ZNF540: variants seen among roughly 807,000 people sequenced by gnomAD.
ZNF540 encodes the protein CTD-3064H18.6.
A neutral mutation model predicts 11.8 loss-of-function variants in ZNF540; 3 were observed. That is an observed-to-expected ratio of 0.25 (90% CI 0.12 to 0.65). The LOEUF (loss-of-function observed/expected upper bound fraction) is 0.65, where lower values mean the gene tolerates loss of function less well. Ranked by LOEUF, ZNF540 falls within the 30% of genes least tolerant of loss-of-function variation. The probability of loss-of-function intolerance (pLI) is 0.83; values close to 1 mark genes in which losing one functional copy is unlikely to be tolerated. For synonymous variants in ZNF540, 247 were observed against 259.0 expected (o/e 0.95, Z 0.45); for missense variants, 709 against 793.1 (o/e 0.89, Z 1.27).
intron 1 of ZNF540, chr19:37,563,195 G>T (rs2042738007): frequency 6.6e-6 from 1 of 151,950 alleles, no homozygotes; most frequent in South Asian, 2.1e-4. Flanking sequence ...GCTAGGCATG[G>T]TGATGAACAG....
At chr19:37,564,229 A>C (rs1225514613) in intron 1 of ZNF540, 1 of 160,552 alleles carries the variant, frequency 6.2e-6, no homozygotes, top group Non-Finnish European at 1.4e-5. Context: ...GATAATGGCA[A>C]TCATTTTAAC....
chr19:37,611,507 T>C lies in ZNF540; in HGVS notation c.233-6T>C. The C allele has an allele frequency of 6.4e-7, 1 of 1,561,602 alleles. No individual in the cohort carries two copies. The highest frequency in any genetic ancestry group is 8.6e-7 in the Non-Finnish European group (1 of 1,158,654). ...AATTTTTGTTTGCTTTTATGTTTTC[T>C]TTCAGGTTTGTTATCCAGGCATAAG... On this transcript the variant is annotated splice_region_variant and splice_polypyrimidine_tract_variant and intron_variant, in intron 4 of 4. Coordinates refer to ENST00000316433, the MANE Select transcript of ZNF540 (RefSeq NM_001172225.3).
At position 37,612,951 on chromosome 19, in the gene ZNF540, G is replaced by A. The variant is rs868778790; in HGVS notation, c.1671G>A (p.Gly557=). 1 of 1,614,150 alleles carries A rather than the reference G, an allele frequency of 6.2e-7. No individual in the cohort carries two copies. The highest frequency in any genetic ancestry group is 8.5e-7 in the Non-Finnish European group (1 of 1,180,018). Residue 557 remains glycine, a synonymous_variant, in exon 5 of 5, where the codon GGG becomes GGA. Transcript: ENST00000316433. The part of the protein sequence containing the change: ...GLKPYDCKEC[G]KSFSRRGQFT... Reference sequence around the variant, plus strand: ...AACCCTATGACTGTAAAGAATGTGGGAAGTCCTTTAGTCGGCGTGGGCAGT... The same window carrying A: ...AACCCTATGACTGTAAAGAATGTGGAAAGTCCTTTAGTCGGCGTGGGCAGT...
intron 1 of ZNF540, chr19:37,555,944 C>A (rs1468459672): frequency 7.1e-6 from 5 of 700,872 alleles, no homozygotes; most frequent in Non-Finnish European, 1.0e-5. Flanking sequence ...TTACACATGT[C>A]CAATCAGGGC....
chr19:37,596,046 G>T (rs73033134), intron 1 of ZNF540, among the ~76,000 whole-genome samples: 40,623 of 151,922 alleles, frequency 0.27, 6,462 homozygotes, highest in Non-Finnish European at 0.37. Flanking sequence ...AAATAATAGA[G>T]ACATTGTGTG....
At chr19:37,564,802 G>A in intron 1 of ZNF540, 1 of 1,613,818 alleles carries the variant, frequency 6.2e-7, no homozygotes, top group Non-Finnish European at 8.5e-7. Flanking sequence ...TAAGGTGTGA[G>A]CCACGAATAA....
chr19:37,559,875 T>C (rs1333782614), intron 1 of ZNF540, among the ~76,000 whole-genome samples: 1 of 152,256 alleles, frequency 6.6e-6, no homozygotes, highest in Non-Finnish European at 1.5e-5. Flanking sequence ...TATAGTATAC[T>C]GTCACCAGAC....
chr19:37,566,971 A>G (rs1429822686), intron 1 of ZNF540, among the ~76,000 whole-genome samples: 1 of 150,986 alleles, frequency 6.6e-6, no homozygotes, highest in African/African-American at 2.4e-5. Context: ...ATCACTTACC[A>G]CTCCCCTAAT....
At chr19:37,579,190 A>G (rs10407657) in intron 1 of ZNF540, among the ~76,000 whole-genome samples, 117,973 of 152,128 alleles carry the variant, frequency 0.78, 45,868 homozygotes, top group South Asian at 0.88. Flanking sequence ...AACCTGTCCC[A>G]CCTCCCCACA....
rs768236952 is a variant in ZNF540, at chr19:37,552,602, A to C, written c.-73+937A>C. The stretch of plus-strand genomic sequence containing the variant: ...GTCAATACACTTCTATAGTATTATA[A>C]AATATGCCTTTTTAGAATAAATCCC... On this transcript the variant is annotated intron_variant, in intron 1 of 4. Coordinates refer to the ZNF540 transcript ENST00000592533. 5.7e-4 allele frequency among the ~76,000 whole-genome samples: 87 copies of C among 152,162 alleles called. 1 individual carries two copies. The highest frequency in any genetic ancestry group is 1.1e-3 in the Non-Finnish European group (76 of 68,036).
At chr19:37,571,293 G>A (rs2045911) in intron 1 of ZNF540, among the ~76,000 whole-genome samples, 26,071 of 151,996 alleles carry the variant, frequency 0.17, 2,490 homozygotes, top group Middle Eastern at 0.3. Flanking sequence ...TCGGGAGTTT[G>A]AGACCAGCCT....
rs750548295 is a variant in ZNF540, at chr19:37,565,699, T to A, written c.-73+14034T>A. ...CATATGGTTTCTCTCCTGTATGAAC[T>A]CTCTGATGTTCAGTGAGCTGTGAAC... is the stretch of plus-strand genomic sequence containing the variant. On this transcript the variant is annotated intron_variant, in intron 1 of 4. Transcript: ENST00000592533. The A allele has an allele frequency of 4.3e-6, 7 of 1,613,786 alleles. No homozygotes were observed. In the African/African-American group the frequency reaches 5.3e-5, roughly 12 times the overall value.
chr19:37,551,773 T>A (rs897912616), intron 1 of ZNF540: 1 of 152,350 alleles, frequency 6.6e-6, no homozygotes, highest in Non-Finnish European at 1.5e-5. Flanking sequence ...TGTGTGTTTC[T>A]GTGCGAGTGT....
At chr19:37,602,719 A>G (rs970882837) in intron 4 of ZNF540, among the ~76,000 whole-genome samples, 1 of 152,170 alleles carries the variant, frequency 6.6e-6, no homozygotes, top group African/African-American at 2.4e-5. Flanking sequence ...AAAAAGTCAA[A>G]TGAAGAAAAT....
At chr19:37,564,825 A>G (rs1204995281) in intron 1 of ZNF540, 6 of 1,613,872 alleles carry the variant, frequency 3.7e-6, no homozygotes, top group Non-Finnish European at 5.1e-6. Flanking sequence ...GCCTTCCCAC[A>G]CTGTTTACAT....
rs2044131131 is a variant in ZNF540, at chr19:37,611,767, A to G, written c.487A>G (p.Arg163Gly). ...RKRPSFTLNQ[R>G]IHNSEKSCDS... The stretch of plus-strand genomic sequence containing the variant: ...ACGTCCCTCTTTTACTCTGAATCAG[A>G]GAATTCACAATAGTGAGAAAAGCTG... Residue 163 changes from arginine to glycine, a missense_variant, in exon 5 of 5, where the codon AGA becomes GGA. Transcript: ENST00000316433. The G allele has an allele frequency of 1.2e-6, 2 of 1,613,934 alleles. No individual in the cohort carries two copies. The highest frequency in any genetic ancestry group is 1.3e-5 in the African/African-American group (1 of 74,940).
chr19:37,598,346 A>T, intron 1 of ZNF540, 30 bp from the exon 2 acceptor site: 1 of 1,159,914 alleles, frequency 8.6e-7, no homozygotes, highest in Non-Finnish European at 1.3e-6. Context: ...ACCTAGTCTC[A>T]CTGTCTCATT....
upstream of ZNF540, among the ~76,000 whole-genome samples, chr19:37,593,658 G>A (rs774528167): frequency 1.3e-5 from 2 of 152,098 alleles, no homozygotes; most frequent in East Asian, 1.9e-4. Context: ...AGCCGAGACC[G>A]CACCACCGCA....
upstream of ZNF540, among the ~76,000 whole-genome samples, chr19:37,590,458 G>GT (rs1164527190): frequency 2.6e-5 from 4 of 151,876 alleles, no homozygotes; most frequent in Non-Finnish European, 5.9e-5. Context: ...GGACAAAATT[G>GT]TAACAATTGG....
Sources: allele counts gnomAD v4.1 joint callset (sites outside exome capture counted in the v4.1 genomes callset), GRCh38; gene constraint gnomAD v4.1.1; transcripts MANE v1.5; gene names NCBI Gene and HGNC (gene_info 2026-07-23, HGNC 2026-07-21).